Variants in SLC26A5 observed in about 807,000 individuals in gnomAD.
SLC26A5 encodes the protein solute carrier family 26 member 5, also known as prestin.
Under a neutral mutation model 81.0 loss-of-function variants are expected in SLC26A5, and 51 were observed. The ratio of observed to expected loss-of-function variants is 0.63; its 90% CI spans 0.50 to 0.80. SLC26A5 has a LOEUF of 0.80. SLC26A5 is among the 30% of genes least tolerant of loss of function. The pLI is 0.00. For missense variants in SLC26A5, 771 were observed against 905.8 expected, an observed-to-expected ratio of 0.85 and a Z score of 1.91; for synonymous variants, 325 against 332.8, an observed-to-expected ratio of 0.98 and a Z score of 0.25.
chr7:103,393,916 C>G (rs1452287011), intron 9 of SLC26A5, among the ~76,000 whole-genome samples: 1 of 152,128 alleles, frequency 6.6e-6, no homozygotes, highest in African/African-American at 2.4e-5. Flanking sequence ...ATTACAATAA[C>G]AAGCATTTAT....
intron 4 of SLC26A5, among the ~76,000 whole-genome samples, chr7:103,419,932 AG>A (rs1825208214): frequency 6.6e-6 from 1 of 152,084 alleles, no homozygotes; most frequent in African/African-American, 2.4e-5. Context: ...TTTTCTGCTT[AG>A]CAATCTCATG....
chr7:103,360,259 G>C (rs1399209181), intron 19 of SLC26A5, among the ~76,000 whole-genome samples: 1 of 152,076 alleles, frequency 6.6e-6, no homozygotes, highest in Non-Finnish European at 1.5e-5. Context: ...TTAAAATAAT[G>C]TAATGTGTCA....
At chr7:103,362,968 A>G (rs10279441) in intron 19 of SLC26A5, among the ~76,000 whole-genome samples, 3 of 151,690 alleles carry the variant, frequency 2.0e-5, no homozygotes, top group Non-Finnish European at 2.9e-5. Flanking sequence ...TAATTTTTGT[A>G]TTTTTAGTAG....
At chr7:103,391,165 C>G (rs1822619905) in intron 11 of SLC26A5, among the ~76,000 whole-genome samples, 1 of 152,180 alleles carries the variant, frequency 6.6e-6, no homozygotes, top group African/African-American at 2.4e-5. Context: ...ACTTGGCCGG[C>G]CATTTACATT....
At position 103,413,039 on chromosome 7, in the gene SLC26A5, CATG is replaced by C. The variant is rs1436239067; in HGVS notation, c.363_365del (p.Ile121del). On this transcript the variant is annotated inframe_deletion, in exon 5 of 20. Transcript: ENST00000306312. The stretch of plus-strand genomic sequence containing the variant: ...GTCTGGAGGTTCCAAGAAAACAATA[CATG>C]ATAACAGGGTAAAATGAAGAGTACA... The C allele has an allele frequency of 6.2e-7, 1 of 1,613,524 alleles. No homozygotes were observed. The highest frequency in any genetic ancestry group is 8.5e-7 in the Non-Finnish European group (1 of 1,179,648).
chr7:103,362,830 C>G, intron 19 of SLC26A5: 2 of 1,150,576 alleles, frequency 1.7e-6, no homozygotes, highest in Admixed American at 2.1e-5. Context: ...GAGTTTCACT[C>G]TTGTCCAGGC....
chr7:103,411,736 G>T, intron 5 of SLC26A5, 150 bp from the exon 6 acceptor site: 1 of 856,918 alleles, frequency 1.2e-6, no homozygotes, highest in Non-Finnish European at 1.9e-6. Context: ...CCTGGTGTAT[G>T]AGCAACCGTG....
intron 8 of SLC26A5, among the ~76,000 whole-genome samples, chr7:103,406,462 G>T (rs1824059080): frequency 6.6e-6 from 1 of 152,112 alleles, no homozygotes; most frequent in African/African-American, 2.4e-5. Flanking sequence ...GCGCTTCCTG[G>T]GTGAAGTGAT....
At chr7:103,355,895 T>C (rs574516563) in intron 19 of SLC26A5, 1 of 774,910 alleles carries the variant, frequency 1.3e-6, no homozygotes, top group South Asian at 2.7e-5. Context: ...TAATTTTGAT[T>C]CCAAATTCCA....
intron 16 of SLC26A5, 113 bp downstream of exon 16, chr7:103,379,130 G>C (rs1317342446): frequency 3.8e-6 from 3 of 781,430 alleles, no homozygotes; most frequent in South Asian, 1.5e-5. Flanking sequence ...CAATAAAAGA[G>C]AGAGAAACAA....
chr7:103,421,000 T>C (rs1014486744), intron 3 of SLC26A5, 123 bp from the exon 4 acceptor site: 7 of 1,072,068 alleles, frequency 6.5e-6, no homozygotes, highest in Non-Finnish European at 4.2e-6. Context: ...CAATTGGTGA[T>C]TCAAGATGTT....
chr7:103,363,262 G>A (rs995241082), intron 19 of SLC26A5: 3 of 1,068,020 alleles, frequency 2.8e-6, no homozygotes, highest in Non-Finnish European at 1.4e-6. Flanking sequence ...TTTCTTTTAA[G>A]GTATTAGGTC....
chr7:103,401,672 A>G (rs993114138), intron 8 of SLC26A5, among the ~76,000 whole-genome samples: 1 of 152,170 alleles, frequency 6.6e-6, no homozygotes, highest in Non-Finnish European at 1.5e-5. Context: ...GTTTTTGCCT[A>G]TTCAGTATGA....
intron 8 of SLC26A5, among the ~76,000 whole-genome samples, chr7:103,404,115 G>A (rs926329326): frequency 6.6e-6 from 1 of 152,028 alleles, no homozygotes; most frequent in African/African-American, 2.4e-5. Context: ...CCCGGGAAGC[G>A]GAAGTTGCAG....
intron 15 of SLC26A5, among the ~76,000 whole-genome samples, 155 bp from the exon 16 acceptor site, chr7:103,379,490 A>G (rs557387644): frequency 1.5e-3 from 224 of 151,984 alleles, no homozygotes; most frequent in African/African-American, 5.3e-3. Flanking sequence ...GACCAAAAAA[A>G]AAAAAAAAGA....
At chr7:103,386,787 G>T (rs1327610042) in intron 14 of SLC26A5, among the ~76,000 whole-genome samples, 1 of 150,468 alleles carries the variant, frequency 6.6e-6, no homozygotes, top group Non-Finnish European at 1.5e-5. Flanking sequence ...TTTTTGAGAC[G>T]TGTGTCACTC....
intron 2 of SLC26A5, among the ~76,000 whole-genome samples, chr7:103,429,084 A>G (rs1344887646): frequency 6.6e-6 from 1 of 152,246 alleles, no homozygotes; most frequent in African/African-American, 2.4e-5. Context: ...CATTCTGGGA[A>G]CAGTATCTGG....
chr7:103,362,030 G>A, intron 19 of SLC26A5: 1 of 1,613,828 alleles, frequency 6.2e-7, no homozygotes, highest in East Asian at 2.2e-5. Context: ...TGCCAAGTTT[G>A]TGGTGGACCT....
intron 19 of SLC26A5, chr7:103,366,245 T>C: frequency 1.6e-6 from 2 of 1,270,484 alleles, no homozygotes; most frequent in East Asian, 2.3e-5. Context: ...ATGTTAATCT[T>C]GTACAGAATT....
Sources: gnomAD v4.1 joint callset for allele counts (sites outside exome capture counted in the v4.1 genomes callset) on GRCh38, gnomAD v4.1.1 for gene constraint, MANE v1.5 for transcripts, NCBI Gene and HGNC (gene_info 2026-07-23, HGNC 2026-07-21) for gene names.